Variants in C7 observed in about 807,000 individuals in gnomAD.
The protein encoded by C7 is complement component C7.
Under a neutral mutation model 104.8 loss-of-function variants are expected in C7, and 83 were observed. The ratio of observed to expected loss-of-function variants is 0.79; its 90% CI spans 0.66 to 0.95. The LOEUF (loss-of-function observed/expected upper bound fraction) is 0.95. Ranked by LOEUF, C7 falls within the 40% of genes least tolerant of loss-of-function variation. C7 has a pLI of 0.00. For missense variants in C7, 1,070 were observed against 1,011.2 expected, an observed-to-expected ratio of 1.06 and a Z score of -0.79; for synonymous variants, 415 against 360.6, an observed-to-expected ratio of 1.15 and a Z score of -1.71.
Position 40,981,429 on chromosome 5 carries a change from G to A in C7, c.2388G>A (p.Glu796=). 1 of 1,613,390 alleles carries A rather than the reference G, an allele frequency of 6.2e-7. No individual in the cohort carries two copies. Among genetic ancestry groups the A allele is most frequent in the Non-Finnish European group, 8.5e-7 (1 of 1,179,620 alleles). ...AATGTGTCTGCCGAGAAGCATCGGA[G>A]TGCGAGGAAGAAGGGTTTAGCATTT... is the stretch of plus-strand genomic sequence containing the variant. ...SSKCVCREAS[E]CEEEGFSICV... Residue 796 remains glutamate (E), a synonymous_variant, in exon 18 of 18, where the codon GAG becomes GAA. Coordinates refer to ENST00000313164, the MANE Select transcript of C7 (RefSeq NM_000587.4).
chr5:40,921,379 T>C (rs967299361), intron 1 of C7, among the ~76,000 whole-genome samples: 36 of 151,894 alleles, frequency 2.4e-4, no homozygotes, highest in African/African-American at 8.5e-4. Context: ...ATATCTATAC[T>C]CCCCAAAGTG....
In C7 at chr5:40,958,020, T is replaced by G; in HGVS notation, c.1261-13T>G. ...ATCCCTGATTACTGACTATAATGTC[T>G]TTATCTCTATAGCTGACACCTTTAT... On this transcript the variant is annotated splice_polypyrimidine_tract_variant and intron_variant, in intron 10 of 17. Transcript: ENST00000313164. The G allele has an allele frequency of 2.5e-6, 4 of 1,589,064 alleles. No individual in the cohort carries two copies. Among genetic ancestry groups the G allele is most frequent in the South Asian group, 2.3e-5 (2 of 88,386 alleles).
intron 16 of C7, among the ~76,000 whole-genome samples, chr5:40,977,759 G>A (rs1740849728): frequency 6.6e-6 from 1 of 152,164 alleles, no homozygotes; most frequent in Admixed American, 6.5e-5. Flanking sequence ...TCCCAGGCAG[G>A]TGGAGAAGAG....
chr5:40,914,977 C>T (rs995772918), intron 1 of C7, among the ~76,000 whole-genome samples: 4 of 152,126 alleles, frequency 2.6e-5, no homozygotes, highest in Non-Finnish European at 5.9e-5. Flanking sequence ...CTGTCAGAGA[C>T]ACTGCCTGAG....
chr5:40,936,109 A>T (rs995794377), intron 4 of C7, among the ~76,000 whole-genome samples: 3 of 152,142 alleles, frequency 2.0e-5, no homozygotes, highest in Non-Finnish European at 4.4e-5. Context: ...CTGAATTCAG[A>T]TCCTATTTTC....
chr5:40,922,369 T>C (rs1579839634), intron 1 of C7, among the ~76,000 whole-genome samples: 1 of 78,694 alleles, frequency 1.3e-5, no homozygotes. Flanking sequence ...AGTGAGACTC[T>C]GTCTCAAAAA....
intron 2 of C7, among the ~76,000 whole-genome samples, chr5:40,929,880 A>G (rs918106625): frequency 6.6e-6 from 1 of 152,090 alleles, no homozygotes; most frequent in African/African-American, 2.4e-5. Flanking sequence ...GCCTCTGCCA[A>G]TTTTTAGTTT....
chr5:40,937,245 T>A (rs1374965123), intron 5 of C7: 2 of 187,162 alleles, frequency 1.1e-5, no homozygotes, highest in East Asian at 2.7e-4. Context: ...CAGATTCAAT[T>A]CAAAACCAGC....
At chr5:40,968,588 ATATATATATATATTTTTTTT>A (rs1740616425) in intron 14 of C7, among the ~76,000 whole-genome samples, 12 of 46,328 alleles carry the variant, frequency 2.6e-4, no homozygotes, top group Admixed American at 8.3e-4. Flanking sequence ...ATATATATAT[ATATATATATATATTTTTTTT>A]TTTTTTTTTT....
intron 1 of C7, among the ~76,000 whole-genome samples, chr5:40,924,546 G>T (rs1332435763): frequency 6.6e-6 from 1 of 152,218 alleles, no homozygotes; most frequent in Non-Finnish European, 1.5e-5. Context: ...ACTGTGTGGG[G>T]GGGTTCCAAC....
At chr5:40,919,778 G>A (rs1375306089) in intron 1 of C7, among the ~76,000 whole-genome samples, 1 of 151,992 alleles carries the variant, frequency 6.6e-6, no homozygotes, top group East Asian at 1.9e-4. Context: ...TAAAAATCTT[G>A]TTATCTTAAG....
Position 40,981,741 on chromosome 5 carries a change from C to T in C7, c.*168C>T. ...AACACAATCCTTTGTTCTCCCAAAT[C>T]TGAATCGAATTACTCTTTTGCCTCC... On this transcript the variant is annotated 3_prime_UTR_variant, in exon 18 of 18. Transcript: ENST00000313164. 1.8e-6 allele frequency: 1 copy of T among 548,862 alleles called. No individual in the cohort carries two copies. The highest frequency in any genetic ancestry group is 3.1e-6 in the Non-Finnish European group (1 of 319,994). 34.0% of individuals were successfully genotyped at this position (548,862 alleles called of 1,614,324 possible). A position where few individuals can be genotyped will look rare whatever the true frequency, so the allele number is the denominator to read the frequency against.
chr5:40,961,622 G>A (rs1249037492), intron 12 of C7, among the ~76,000 whole-genome samples: 1 of 152,090 alleles, frequency 6.6e-6, no homozygotes, highest in Non-Finnish European at 1.5e-5. Flanking sequence ...CTGACCTCAG[G>A]CTATCTGCCT....
chr5:40,920,047 AGT>A (rs1739407329), intron 1 of C7, among the ~76,000 whole-genome samples: 1 of 152,140 alleles, frequency 6.6e-6, no homozygotes, highest in Non-Finnish European at 1.5e-5. Context: ...AGATAAAATA[AGT>A]TCTTTTTTGA....
rs767238870 is a variant in C7, at chr5:40,937,569, GC to G, written c.448del (p.Gln150SerfsTer30). ...TTTAACAGTTACAATGAACTCACTG[GC>G]CAGTTTAGGAACAGAGTCATCAATA... The part of the protein sequence containing the change: ...LTGNGYNELT[G>X]QFRNRVINTK... On this transcript the variant is annotated frameshift_variant, in exon 6 of 18. Coordinates refer to ENST00000313164, the MANE Select transcript of C7 (RefSeq NM_000587.4). LOFTEE classifies it high-confidence loss of function. The G allele has an allele frequency of 3.7e-6, 6 of 1,608,662 alleles. No homozygotes were observed. In the Admixed American group the frequency reaches 1.0e-4, roughly 27 times the overall value.
At position 40,943,416 on chromosome 5, in the gene C7, A is replaced by C. The variant is rs79241415; in HGVS notation, c.568-1782A>C. 5.2e-3 allele frequency among the ~76,000 whole-genome samples: 793 copies of C among 152,282 alleles called. 21 individuals carry two copies. In the East Asian group the frequency reaches 0.094, roughly 18 times the overall value. Reference sequence around the variant, plus strand: ...AAGAAGGAGGGTATTAATTAAAGAAAATTTAATAAGACCACACCACTTTGA... The same window carrying C: ...AAGAAGGAGGGTATTAATTAAAGAACATTTAATAAGACCACACCACTTTGA... On this transcript the variant is annotated intron_variant, in intron 6 of 17. Transcript: ENST00000313164.
At chr5:40,930,709 C>G (rs140652516) in intron 2 of C7, among the ~76,000 whole-genome samples, 64 of 151,448 alleles carry the variant, frequency 4.2e-4, no homozygotes, top group Non-Finnish European at 7.8e-4. Context: ...ATTACAGGCA[C>G]GCGCCACCCT....
rs374395275 is a variant in C7, at chr5:40,931,022, C to A, written c.63-42C>A. The A allele has an allele frequency of 4.4e-6, 6 of 1,361,050 alleles. No homozygotes were observed. The African/African-American group carries it at 5.7e-5, about 13-fold the overall frequency. The allele number at this position is 1,361,050 out of a possible 1,614,324, so 84.3% of individuals were successfully genotyped here. On this transcript the variant is annotated intron_variant, in intron 2 of 17. Coordinates refer to ENST00000313164, the MANE Select transcript of C7 (RefSeq NM_000587.4). ...CTATTCTTTGTGTTCCCTTGCGTAT[C>A]TTTCCACCTGCTTTATGATGGACAA...
At chr5:40,942,185 A>T (rs1299433644) in intron 6 of C7, among the ~76,000 whole-genome samples, 1 of 152,198 alleles carries the variant, frequency 6.6e-6, no homozygotes, top group Non-Finnish European at 1.5e-5. Flanking sequence ...AATTATAGTC[A>T]ACTCATTTAA....
Sources: allele counts gnomAD v4.1 joint callset (sites outside exome capture counted in the v4.1 genomes callset), GRCh38; gene constraint gnomAD v4.1.1; transcripts MANE v1.5; gene names NCBI Gene and HGNC (gene_info 2026-07-23, HGNC 2026-07-21).